The following AGTPBP1 variants were observed in gnomAD, a reference collection of about 807,000 sequenced individuals.
AGTPBP1 encodes ATP/GTP binding carboxypeptidase 1, also known as cytosolic carboxypeptidase 1.
AGTPBP1 carries 70 observed loss-of-function variants against 143.9 expected under a neutral mutation model. That is an observed-to-expected ratio of 0.49 (90% confidence interval 0.40 to 0.59). AGTPBP1 has a LOEUF of 0.59. AGTPBP1 is among the 20% of genes least tolerant of loss of function. The pLI is 0.00. For missense variants in AGTPBP1, 1,229 were observed against 1,464.5 expected, an observed-to-expected ratio of 0.84 and a Z score of 2.62; for synonymous variants, 463 against 500.2, an observed-to-expected ratio of 0.93 and a Z score of 0.99.
intron 3 of AGTPBP1, among the ~76,000 whole-genome samples, chr9:85,692,312 C>T (rs186573673): frequency 2.6e-3 from 381 of 147,728 alleles, no homozygotes; most frequent in Non-Finnish European, 3.5e-3. Context: ...GTCTTGCTGT[C>T]GCCCAGGCTG....
At chr9:85,761,141 A>G in the AGTPBP1 span, among the ~76,000 whole-genome samples, 6 of 152,356 alleles carry the variant, frequency 3.9e-5, no homozygotes, top group East Asian at 1.2e-3. Context: ...AACAAATGGA[A>G]GAACATTCCA....
intron 1 of AGTPBP1, chr9:85,741,502 C>T: frequency 1.0e-6 from 1 of 985,392 alleles, no homozygotes; most frequent in South Asian, 4.7e-5. Flanking sequence ...TCCGCAAGGT[C>T]TGGGACGGGG....
chr9:85,628,279 C>T (rs1831425984), intron 14 of AGTPBP1, among the ~76,000 whole-genome samples: 1 of 152,106 alleles, frequency 6.6e-6, no homozygotes, highest in African/African-American at 2.4e-5. Context: ...GCTACAACTC[C>T]ATAGTGAAAT....
chr9:85,717,540 T>C (rs1358286601), intron 1 of AGTPBP1, among the ~76,000 whole-genome samples: 1 of 152,124 alleles, frequency 6.6e-6, no homozygotes, highest in Non-Finnish European at 1.5e-5. Context: ...ACATTTTTGC[T>C]ATGGTCTGAA....
intron 9 of AGTPBP1, among the ~76,000 whole-genome samples, chr9:85,658,380 C>T (rs1029153743): frequency 3.3e-5 from 5 of 151,948 alleles, no homozygotes; most frequent in Non-Finnish European, 2.9e-5. Flanking sequence ...CCATGTTTGA[C>T]CTAATTTTAT....
At chr9:85,781,442 G>C in the AGTPBP1 span, 1 of 1,347,754 alleles carries the variant, frequency 7.4e-7, no homozygotes, top group East Asian at 2.7e-5. Context: ...TTGTAGTGTA[G>C]CCTTTACCAA....
chr9:85,696,666 C>CA (rs989968035), intron 2 of AGTPBP1, among the ~76,000 whole-genome samples: 1,488 of 131,368 alleles, frequency 0.011, 14 homozygotes, highest in African/African-American at 0.03. Context: ...GACTCCGTCT[C>CA]AAAAAAAAAA....
intron 23 of AGTPBP1, among the ~76,000 whole-genome samples, chr9:85,580,004 G>A (rs1029547415): frequency 2.0e-5 from 3 of 151,928 alleles, no homozygotes; most frequent in Admixed American, 6.6e-5. Flanking sequence ...TTGGGAGTCT[G>A]AGGCAGGTGG....
intron 17 of AGTPBP1, among the ~76,000 whole-genome samples, chr9:85,605,936 C>G (rs1829964224): frequency 6.6e-6 from 1 of 151,796 alleles, no homozygotes; most frequent in Non-Finnish European, 1.5e-5. Flanking sequence ...AAAATATCAC[C>G]TGAGAAAATC....
At chr9:85,618,352 C>G (rs1408470947) in intron 17 of AGTPBP1, among the ~76,000 whole-genome samples, 1 of 152,096 alleles carries the variant, frequency 6.6e-6, no homozygotes, top group East Asian at 1.9e-4. Flanking sequence ...CAATGCTACA[C>G]AAGTGCTTCC....
chr9:85,765,086 A>G, the AGTPBP1 span: 1 of 525,864 alleles, frequency 1.9e-6, no homozygotes, highest in East Asian at 3.4e-5. Flanking sequence ...GGCACCATAA[A>G]CCACGCTTGA....
intron 1 of AGTPBP1, among the ~76,000 whole-genome samples, chr9:85,728,037 A>T (rs1838627657): frequency 7.8e-6 from 1 of 127,754 alleles, no homozygotes; most frequent in African/African-American, 3.8e-5. Flanking sequence ...ATATACACAC[A>T]CACACACACA....
At chr9:85,625,354 C>T (rs775696147) in intron 14 of AGTPBP1, among the ~76,000 whole-genome samples, 37 of 152,304 alleles carry the variant, frequency 2.4e-4, no homozygotes, top group Admixed American at 3.9e-4. Flanking sequence ...GAATGTTATG[C>T]TCAATTAGAT....
rs1351800631 is a variant in AGTPBP1, at chr9:85,741,768, C to A, written c.-34+7G>T. The A allele has an allele frequency of 3.8e-6, 5 of 1,328,824 alleles. No homozygotes were observed. The highest frequency in any genetic ancestry group is 4.8e-6 in the Non-Finnish European group (5 of 1,042,682). 82.3% of individuals were successfully genotyped at this position (1,328,824 alleles called of 1,614,324 possible). A position where few individuals can be genotyped will look rare whatever the true frequency, so the allele number is the denominator to read the frequency against. On this transcript the variant is annotated splice_region_variant and intron_variant, in intron 1 of 25. Coordinates refer to ENST00000357081, the MANE Select transcript of AGTPBP1 (RefSeq NM_001330701.2). Reference sequence around the variant, plus strand: ...CCGGGACATGAGGACTGCAGCAGGGCGCTCACCGGCTCAGGATGGGGCGCT... The same window carrying A: ...CCGGGACATGAGGACTGCAGCAGGGAGCTCACCGGCTCAGGATGGGGCGCT...
chr9:85,795,975 G>A, the AGTPBP1 span, among the ~76,000 whole-genome samples: 8,077 of 150,026 alleles, frequency 0.054, 710 homozygotes, highest in African/African-American at 0.18. Flanking sequence ...TGGTTGGAGA[G>A]TGGAGGCTTG....
intron 15 of AGTPBP1, among the ~76,000 whole-genome samples, chr9:85,619,827 C>T (rs192813396): frequency 3.0e-4 from 45 of 152,240 alleles, no homozygotes; most frequent in African/African-American, 7.7e-4. Context: ...GGTTCCCCGA[C>T]TGAATGCAAA....
intron 1 of AGTPBP1, among the ~76,000 whole-genome samples, chr9:85,739,147 C>CT (rs1282366610): frequency 6.6e-6 from 1 of 152,202 alleles, no homozygotes; most frequent in Admixed American, 6.5e-5. Context: ...CCATCTGGCT[C>CT]TGAGGCCCAA....
chr9:85,779,785 A>T, the AGTPBP1 span, among the ~76,000 whole-genome samples: 1 of 152,162 alleles, frequency 6.6e-6, no homozygotes, highest in Non-Finnish European at 1.5e-5. Flanking sequence ...ATTTGAACCC[A>T]GGAGGTTGAA....
chr9:85,798,796 T>C, the AGTPBP1 span, among the ~76,000 whole-genome samples: 22 of 152,160 alleles, frequency 1.4e-4, no homozygotes, highest in Non-Finnish European at 2.9e-4. Context: ...TCGTGGCTCA[T>C]GCCTGTAGTC....
Sources: allele counts gnomAD v4.1 joint callset (sites outside exome capture counted in the v4.1 genomes callset), GRCh38; gene constraint gnomAD v4.1.1; transcripts MANE v1.5; gene names NCBI Gene and HGNC (gene_info 2026-07-23, HGNC 2026-07-21).